Variants in TTLL5 observed in about 807,000 individuals in gnomAD.
TTLL5 encodes the protein tubulin tyrosine ligase like 5, also known as tubulin polyglutamylase TTLL5.
In TTLL5, 132 loss-of-function variants were observed where a neutral mutation model predicts 168.4. The observed-to-expected ratio is 0.78, with a 90% CI of 0.68 to 0.91. The LOEUF is 0.91. TTLL5 is among the 40% of genes least tolerant of loss of function. TTLL5 has a pLI of 0.00. For synonymous variants in TTLL5, 546 were observed against 558.6 expected, an observed-to-expected ratio of 0.98 and a Z score of 0.32; for missense variants, 1,545 against 1,581.5, an observed-to-expected ratio of 0.98 and a Z score of 0.39.
chr14:75,932,993 G>A (rs559571844), intron 31 of TTLL5, among the ~76,000 whole-genome samples: 1 of 152,294 alleles, frequency 6.6e-6, no homozygotes, highest in East Asian at 1.9e-4. Flanking sequence ...AAAGTTTGAA[G>A]CAAAGAAATA....
chr14:75,889,346 G>T (rs571111794), intron 30 of TTLL5, among the ~76,000 whole-genome samples: 1 of 152,128 alleles, frequency 6.6e-6, no homozygotes, highest in East Asian at 1.9e-4. Flanking sequence ...AGTAGTATAG[G>T]CAAAAAAGAC....
In TTLL5 at chr14:75,663,241, T is replaced by C. The variant is rs748725015; in HGVS notation, c.74+18T>C. On this transcript the variant is annotated intron_variant, in intron 2 of 31. Transcript: ENST00000298832. ...AGTCAAGAGTAAGTAATAGCAAGCC[T>C]GCTTTCAACCTGTGCTTTGTACTCT... The C allele has an allele frequency of 2.1e-5, 34 of 1,604,832 alleles. No homozygotes were observed. The South Asian group carries it at 3.8e-4, about 18-fold the overall frequency.
chr14:75,719,650 A>G (rs1887718471), intron 10 of TTLL5, 85 bp from the exon 11 acceptor site: 2 of 1,237,720 alleles, frequency 1.6e-6, no homozygotes, highest in South Asian at 1.9e-5. Context: ...CTTTTTAAAA[A>G]GACAAGAAGG....
intron 28 of TTLL5, among the ~76,000 whole-genome samples, chr14:75,829,574 T>TTA (rs1895443819): frequency 6.6e-6 from 1 of 151,056 alleles, no homozygotes; most frequent in African/African-American, 2.4e-5. Flanking sequence ...TTTTTTTTTT[T>TTA]CATGTAACAC....
At chr14:75,928,128 C>T (rs868631461) in intron 31 of TTLL5, among the ~76,000 whole-genome samples, 2 of 151,894 alleles carry the variant, frequency 1.3e-5, no homozygotes, top group Non-Finnish European at 2.9e-5. Context: ...CCCTTTCCAA[C>T]CAAACCCAAC....
chr14:75,814,390 T>G (rs1894255485), intron 27 of TTLL5: 1 of 152,230 alleles, frequency 6.6e-6, no homozygotes, highest in Admixed American at 6.5e-5. Flanking sequence ...CTGGTTTTGT[T>G]ATGTTATTTG....
chr14:75,696,107 C>G (rs972342791), intron 6 of TTLL5, among the ~76,000 whole-genome samples: 5 of 151,920 alleles, frequency 3.3e-5, no homozygotes, highest in African/African-American at 9.7e-5. Flanking sequence ...CCAGCCTGGT[C>G]TTGAACTCCT....
intron 21 of TTLL5, among the ~76,000 whole-genome samples, chr14:75,773,957 A>AGAGAG (rs1891536422): frequency 3.0e-4 from 13 of 43,336 alleles, no homozygotes; most frequent in East Asian, 6.4e-4. Context: ...GAGAGAGAGA[A>AGAGAG]AGAGAGAGAG....
In TTLL5 at chr14:75,669,401, T is replaced by C; in HGVS notation, c.75-15T>C. 3 of 1,604,312 alleles carry C rather than the reference T, an allele frequency of 1.9e-6. No individual in the cohort carries two copies. The highest frequency in any genetic ancestry group is 2.6e-6 in the Non-Finnish European group (3 of 1,172,830). The stretch of plus-strand genomic sequence containing the variant: ...TTTGAGCTGTAAATTAATGAAGGCT[T>C]TTTTGTCGTTATAGGGATCATCCAT... On this transcript the variant is annotated splice_polypyrimidine_tract_variant and intron_variant, in intron 2 of 31. Transcript: ENST00000298832.
At chr14:75,662,644 G>A (rs1204717190) in intron 1 of TTLL5, among the ~76,000 whole-genome samples, 1 of 152,072 alleles carries the variant, frequency 6.6e-6, no homozygotes, top group African/African-American at 2.4e-5. Flanking sequence ...CGGCCTGCAA[G>A]GGTCTTAAAC....
intron 30 of TTLL5, 69 bp from the exon 31 acceptor site, chr14:75,902,073 C>A: frequency 7.4e-7 from 1 of 1,343,390 alleles, no homozygotes; most frequent in Non-Finnish European, 1.1e-6. Context: ...AGAAGCGAAG[C>A]CATCAGAGGT....
chr14:75,872,708 G>A (rs1278605946), intron 29 of TTLL5, among the ~76,000 whole-genome samples: 6 of 151,902 alleles, frequency 3.9e-5, no homozygotes, highest in Non-Finnish European at 8.8e-5. Context: ...TTGGGAGTTC[G>A]AGACCAGCCT....
intron 22 of TTLL5, 154 bp from the exon 23 acceptor site, chr14:75,776,593 A>C (rs1014131407): frequency 1.0e-5 from 5 of 482,210 alleles, no homozygotes; most frequent in Admixed American, 7.8e-5. Flanking sequence ...GTAATATGTC[A>C]AATTTATAGG....
chr14:75,847,317 T>TA (rs1555351044), intron 28 of TTLL5, among the ~76,000 whole-genome samples: 2 of 152,040 alleles, frequency 1.3e-5, no homozygotes, highest in African/African-American at 2.4e-5. Context: ...TTCTTTTTTT[T>TA]ATCACATTAA....
chr14:75,670,237 A>T (rs1459157590), intron 3 of TTLL5, among the ~76,000 whole-genome samples: 1 of 149,642 alleles, frequency 6.7e-6, no homozygotes, highest in East Asian at 2.0e-4. Context: ...TTTAAAATTT[A>T]TTTATTTTTT....
At chr14:75,826,521 A>C (rs1007071002) in intron 28 of TTLL5, among the ~76,000 whole-genome samples, 1 of 152,062 alleles carries the variant, frequency 6.6e-6, no homozygotes, top group East Asian at 1.9e-4. Context: ...CTGGTCAAAT[A>C]ATTTTTTTAT....
chr14:75,925,008 G>A (rs1490590798), intron 31 of TTLL5, among the ~76,000 whole-genome samples: 6 of 148,976 alleles, frequency 4.0e-5, no homozygotes, highest in African/African-American at 1.5e-4. Flanking sequence ...GCCGGGCAGA[G>A]GGGCTCCTCA....
At chr14:75,702,316 C>T (rs1229208612) in intron 7 of TTLL5, among the ~76,000 whole-genome samples, 1 of 152,170 alleles carries the variant, frequency 6.6e-6, no homozygotes, top group East Asian at 1.9e-4. Flanking sequence ...TGTTGAAGGC[C>T]CCTCTCCAAC....
intron 29 of TTLL5, among the ~76,000 whole-genome samples, chr14:75,880,648 T>C (rs2031758635): frequency 6.6e-6 from 1 of 152,214 alleles, no homozygotes; most frequent in Non-Finnish European, 1.5e-5. Context: ...CCTGTGTCCC[T>C]CTTTACTTCC....
Sources: gnomAD v4.1 joint callset for allele counts (sites outside exome capture counted in the v4.1 genomes callset) on GRCh38, gnomAD v4.1.1 for gene constraint, MANE v1.5 for transcripts, NCBI Gene and HGNC (gene_info 2026-07-23, HGNC 2026-07-21) for gene names.